The following TMEM117 variants were observed in gnomAD, a reference collection of about 807,000 sequenced individuals.
TMEM117 encodes the protein transmembrane protein 117.
Under a neutral mutation model 52.4 loss-of-function variants are expected in TMEM117, and 27 were observed. The ratio of observed to expected loss-of-function variants is 0.51; its 90% CI spans 0.38 to 0.71. TMEM117 has a LOEUF of 0.71. TMEM117 is among the 30% of genes least tolerant of loss of function. The pLI, the probability that TMEM117 is intolerant of heterozygous loss-of-function variation, is 0.00. For synonymous variants in TMEM117, 215 were observed against 206.3 expected, an observed-to-expected ratio of 1.04 and a Z score of -0.36; for missense variants, 556 against 630.5, an observed-to-expected ratio of 0.88 and a Z score of 1.26.
At chr12:43,868,831 A>G (rs1437007007) in intron 2 of TMEM117, among the ~76,000 whole-genome samples, 10 of 152,130 alleles carry the variant, frequency 6.6e-5, no homozygotes, top group Non-Finnish European at 7.4e-5. Flanking sequence ...GAAGGAGGAA[A>G]TAATAAAGCA....
intron 3 of TMEM117, among the ~76,000 whole-genome samples, chr12:43,970,904 T>C (rs1327165703): frequency 6.6e-6 from 1 of 152,190 alleles, no homozygotes; most frequent in East Asian, 1.9e-4. Flanking sequence ...CCTTGATTTT[T>C]TTTTCAGCTG....
chr12:44,013,770 A>G (rs184633753), intron 3 of TMEM117, among the ~76,000 whole-genome samples: 3 of 152,132 alleles, frequency 2.0e-5, no homozygotes, highest in Non-Finnish European at 4.4e-5. Context: ...GTTTCTGCTC[A>G]TGAATTCCTC....
At chr12:43,855,591 A>C (rs369920966) in intron 2 of TMEM117, among the ~76,000 whole-genome samples, 2 of 152,174 alleles carry the variant, frequency 1.3e-5, no homozygotes, top group Admixed American at 6.5e-5. Flanking sequence ...CTATGTACCT[A>C]TGTCTGTTTT....
the TMEM117 span, among the ~76,000 whole-genome samples, chr12:43,807,505 C>A: frequency 2.0e-5 from 3 of 152,288 alleles, no homozygotes; most frequent in East Asian, 3.9e-4. Context: ...CTTCCTGACA[C>A]AATGGTTCAC....
intron 3 of TMEM117, among the ~76,000 whole-genome samples, chr12:44,011,066 C>T (rs1221703889): frequency 6.6e-6 from 1 of 152,126 alleles, no homozygotes; most frequent in Non-Finnish European, 1.5e-5. Context: ...CAAGATAGGT[C>T]TACTAGCAAC....
chr12:44,023,448 A>C (rs916427980), intron 3 of TMEM117, among the ~76,000 whole-genome samples: 1 of 152,060 alleles, frequency 6.6e-6, no homozygotes, highest in Non-Finnish European at 1.5e-5. Flanking sequence ...CCAACAGTGT[A>C]AAAGTGTTCC....
At chr12:44,070,895 G>T (rs893288427) in intron 3 of TMEM117, among the ~76,000 whole-genome samples, 2 of 152,076 alleles carry the variant, frequency 1.3e-5, no homozygotes, top group African/African-American at 2.4e-5. Context: ...CTGAGCTTCC[G>T]CAGGCAATGA....
At chr12:43,963,476 AG>A (rs1377557735) in intron 3 of TMEM117, among the ~76,000 whole-genome samples, 1 of 152,212 alleles carries the variant, frequency 6.6e-6, no homozygotes, top group African/African-American at 2.4e-5. Flanking sequence ...TAGATCTTAA[AG>A]GAGCAACAGA....
chr12:43,803,897 G>A, the TMEM117 span, among the ~76,000 whole-genome samples: 1 of 151,982 alleles, frequency 6.6e-6, no homozygotes, highest in African/African-American at 2.4e-5. Flanking sequence ...ATTTATGACT[G>A]AGTACCTATA....
the TMEM117 span, chr12:43,797,231 A>C: frequency 6.7e-7 from 1 of 1,496,352 alleles, no homozygotes; most frequent in Non-Finnish European, 9.0e-7. Context: ...GCAAGAAATA[A>C]GTAAGAATAT....
intron 2 of TMEM117, among the ~76,000 whole-genome samples, chr12:43,926,985 T>C (rs1200038796): frequency 6.6e-6 from 1 of 152,056 alleles, no homozygotes; most frequent in Non-Finnish European, 1.5e-5. Flanking sequence ...TACCTTGTGT[T>C]ATTTTTCTTC....
At chr12:44,117,517 C>T (rs1276784779) in intron 3 of TMEM117, among the ~76,000 whole-genome samples, 4 of 151,992 alleles carry the variant, frequency 2.6e-5, no homozygotes, top group Non-Finnish European at 5.9e-5. Flanking sequence ...CTGGACATGC[C>T]CTTGGCACAG....
At chr12:44,222,939 C>T (rs1168590141) in intron 5 of TMEM117, among the ~76,000 whole-genome samples, 1 of 151,860 alleles carries the variant, frequency 6.6e-6, no homozygotes, top group African/African-American at 2.4e-5. Context: ...GTTATAGATC[C>T]AGGAAGGTGT....
At chr12:43,898,384 TTAA>T (rs1005501295) in intron 2 of TMEM117, among the ~76,000 whole-genome samples, 14 of 148,112 alleles carry the variant, frequency 9.5e-5, no homozygotes, top group South Asian at 2.1e-4. Context: ...TATATATTAA[TTAA>T]TAATATATTA....
At chr12:44,008,490 A>G (rs558787459) in intron 3 of TMEM117, 2 of 166,038 alleles carry the variant, frequency 1.2e-5, no homozygotes, top group African/African-American at 2.4e-5. Context: ...AAGACAGCTT[A>G]GATTCCTTTT....
At chr12:44,038,882 T>C (rs1251961713) in intron 3 of TMEM117, among the ~76,000 whole-genome samples, 3 of 152,244 alleles carry the variant, frequency 2.0e-5, no homozygotes, top group Non-Finnish European at 2.9e-5. Flanking sequence ...TAAAAGTAGA[T>C]AGAATAGTGG....
intron 2 of TMEM117, among the ~76,000 whole-genome samples, chr12:43,916,702 T>C (rs1944609304): frequency 6.6e-6 from 1 of 152,188 alleles, no homozygotes; most frequent in African/African-American, 2.4e-5. Flanking sequence ...ATGAAACTGA[T>C]GAGTCCTGAT....
chr12:43,837,466 C>T (rs1463917390), intron 1 of TMEM117, among the ~76,000 whole-genome samples: 1 of 152,126 alleles, frequency 6.6e-6, no homozygotes, highest in Non-Finnish European at 1.5e-5. Flanking sequence ...CCTGCCTCGG[C>T]CTCCTGAGTA....
the TMEM117 span, among the ~76,000 whole-genome samples, chr12:43,802,960 T>C: frequency 6.6e-6 from 1 of 152,180 alleles, no homozygotes; most frequent in Non-Finnish European, 1.5e-5. Context: ...TATACACTGG[T>C]ATAGCCACTT....
Sources: allele counts gnomAD v4.1 joint callset (sites outside exome capture counted in the v4.1 genomes callset), GRCh38; gene constraint gnomAD v4.1.1; transcripts MANE v1.5; gene names NCBI Gene and HGNC (gene_info 2026-07-23, HGNC 2026-07-21).